Variants in ITPR2 observed in about 807,000 individuals in gnomAD.
ITPR2 encodes inositol 1,4,5-trisphosphate-gated calcium channel ITPR2.
A neutral mutation model predicts 317.1 loss-of-function variants in ITPR2; 207 were observed. The observed-to-expected ratio is 0.65, with a 90% CI of 0.58 to 0.73. The LOEUF (loss-of-function observed/expected upper bound fraction) is 0.73. Ranked by LOEUF, ITPR2 falls within the 30% of genes least tolerant of loss-of-function variation. The pLI is 0.00. For synonymous variants in ITPR2, 1,156 were observed against 1,149.1 expected (o/e 1.01, Z -0.12); for missense variants, 2,613 against 3,284.0 (o/e 0.80, Z 4.99).
chr12:26,354,122 A>G (rs1938562346), intron 55 of ITPR2, among the ~76,000 whole-genome samples: 1 of 152,066 alleles, frequency 6.6e-6, no homozygotes, highest in Non-Finnish European at 1.5e-5. Flanking sequence ...AAAAATACAA[A>G]AATTAGCCAG....
At chr12:26,631,692 T>C (rs1017945970) in intron 22 of ITPR2, among the ~76,000 whole-genome samples, 174 bp downstream of exon 22, 4 of 152,334 alleles carry the variant, frequency 2.6e-5, no homozygotes, top group African/African-American at 9.6e-5. Context: ...GATTCATATG[T>C]TAAATAGCGT....
intron 1 of ITPR2, among the ~76,000 whole-genome samples, chr12:26,791,633 C>A (rs772006768): frequency 1.9e-4 from 29 of 151,990 alleles, no homozygotes; most frequent in Admixed American, 1.2e-3. Flanking sequence ...CACTGGTTTA[C>A]TAAAATGTGG....
chr12:26,392,076 G>T (rs1355388481), intron 54 of ITPR2, among the ~76,000 whole-genome samples: 1 of 152,002 alleles, frequency 6.6e-6, no homozygotes, highest in African/African-American at 2.4e-5. Context: ...CCATTCTCAC[G>T]GTTTTACCAT....
At chr12:26,752,310 A>G (rs57450946) in intron 2 of ITPR2, among the ~76,000 whole-genome samples, 60,536 of 152,110 alleles carry the variant, frequency 0.4, 13,592 homozygotes, top group Non-Finnish European at 0.53. Context: ...GCTGAGACCT[A>G]CTGGGCTGCA....
In ITPR2 at chr12:26,722,437, T is replaced by C; in HGVS notation, c.485A>G (p.Tyr162Cys). The C allele has an allele frequency of 6.2e-7, 1 of 1,612,858 alleles. No individual in the cohort carries two copies. Among genetic ancestry groups the C allele is most frequent in the Non-Finnish European group, 8.5e-7 (1 of 1,179,268 alleles). The change falls in exon 5 of 57, where the codon TAT becomes TGT. Residue 162 changes from tyrosine (Y) to cysteine (C), a missense_variant. Tyr to Cys is a radical substitution (Grantham distance 194). Around this residue, in one of 9 missense-constraint regions of ITPR2, gnomAD observed 515 missense variants for 789.4 expected, o/e 0.65. Coordinates refer to ENST00000381340, the MANE Select transcript of ITPR2 (RefSeq NM_002223.4). ...DAAGNEGSWF[Y>C]IHPFWKLRSE... ...TCTCAGTTTCCAGAACGGATGAATA[T>C]AAAACCAAGACCCTTCATTTCCTGC... is the stretch of plus-strand genomic sequence containing the variant.
At chr12:26,606,544 C>T (rs1474642716) in intron 26 of ITPR2, among the ~76,000 whole-genome samples, 2 of 143,440 alleles carry the variant, frequency 1.4e-5, no homozygotes, top group African/African-American at 2.6e-5. Flanking sequence ...TAGTTCCTCC[C>T]TTTTTTTTTT....
At chr12:26,565,371 GA>G (rs1944922920) in intron 34 of ITPR2, among the ~76,000 whole-genome samples, 1 of 151,840 alleles carries the variant, frequency 6.6e-6, no homozygotes, top group Non-Finnish European at 1.5e-5. Context: ...GGTTATAGCA[GA>G]ACTATAAAGA....
At chr12:26,554,837 C>T (rs554802097) in intron 36 of ITPR2, among the ~76,000 whole-genome samples, 2 of 152,126 alleles carry the variant, frequency 1.3e-5, no homozygotes, top group South Asian at 4.2e-4. Flanking sequence ...AGAGTTCTCA[C>T]ATGCATGTAT....
intron 2 of ITPR2, among the ~76,000 whole-genome samples, chr12:26,767,540 C>G (rs569486139): frequency 1.2e-4 from 19 of 152,134 alleles, no homozygotes; most frequent in Admixed American, 5.9e-4. Context: ...AATATCACAC[C>G]TCTTTTCATG....
At chr12:26,574,598 G>A (rs1945233083) in intron 34 of ITPR2, among the ~76,000 whole-genome samples, 1 of 152,310 alleles carries the variant, frequency 6.6e-6, no homozygotes, top group African/African-American at 2.4e-5. Flanking sequence ...AAATTAGACT[G>A]TATCAGGCTG....
At chr12:26,731,122 G>GA (rs5797193) in intron 2 of ITPR2, among the ~76,000 whole-genome samples, 86,585 of 151,296 alleles carry the variant, frequency 0.57, 25,972 homozygotes, top group East Asian at 0.81. Context: ...GGCAATGGTG[G>GA]AAAAAAAAAA....
At chr12:26,507,018 T>C (rs749488981) in intron 37 of ITPR2, among the ~76,000 whole-genome samples, 4 of 152,234 alleles carry the variant, frequency 2.6e-5, no homozygotes, top group African/African-American at 4.8e-5. Flanking sequence ...TTAGTGTTCA[T>C]TGCTACATTA....
At chr12:26,456,785 G>A (rs1387989872) in intron 45 of ITPR2, among the ~76,000 whole-genome samples, 1 of 152,120 alleles carries the variant, frequency 6.6e-6, no homozygotes, top group African/African-American at 2.4e-5. Context: ...CGATTCTCTT[G>A]CCTCAGCCTC....
intron 21 of ITPR2, among the ~76,000 whole-genome samples, chr12:26,647,821 A>G (rs958361986): frequency 1.3e-5 from 2 of 152,262 alleles, no homozygotes; most frequent in African/African-American, 2.4e-5. Flanking sequence ...CTGATCTTCT[A>G]TTTCACTACA....
At chr12:26,587,585 G>A (rs574315655) in intron 32 of ITPR2, among the ~76,000 whole-genome samples, 5 of 152,304 alleles carry the variant, frequency 3.3e-5, no homozygotes, top group African/African-American at 7.2e-5. Context: ...GGGAGAATAA[G>A]AGGACAAGGG....
intron 13 of ITPR2, among the ~76,000 whole-genome samples, chr12:26,676,790 AG>A (rs1947917605): frequency 6.6e-6 from 1 of 151,824 alleles, no homozygotes; most frequent in African/African-American, 2.4e-5. Context: ...AGTAAAAAAA[AG>A]ATGTTTCTTT....
intron 2 of ITPR2, among the ~76,000 whole-genome samples, chr12:26,773,653 TC>T (rs1319635189): frequency 1.3e-5 from 2 of 152,230 alleles, no homozygotes; most frequent in Non-Finnish European, 2.9e-5. Flanking sequence ...AAACAGTGGT[TC>T]ATGAGACTTC....
intron 34 of ITPR2, among the ~76,000 whole-genome samples, chr12:26,571,083 T>C (rs1187114170): frequency 6.6e-6 from 1 of 152,218 alleles, no homozygotes; most frequent in African/African-American, 2.4e-5. Flanking sequence ...TCTTATCAAT[T>C]TCAAGTCCTA....
intron 13 of ITPR2, among the ~76,000 whole-genome samples, chr12:26,673,666 T>G (rs1947842456): frequency 6.6e-6 from 1 of 150,768 alleles, no homozygotes; most frequent in African/African-American, 2.5e-5. Context: ...ACCACTCCTA[T>G]TCAACATAGT....
Sources: allele counts gnomAD v4.1 joint callset (sites outside exome capture counted in the v4.1 genomes callset), GRCh38; gene constraint gnomAD v4.1.1; regional missense constraint gnomAD v4.1.1; transcripts MANE v1.5; gene names NCBI Gene and HGNC (gene_info 2026-07-23, HGNC 2026-07-21).